MAP3K20: variants seen among roughly 807,000 people sequenced by gnomAD.
The protein encoded by MAP3K20 is HCCS-4.
In MAP3K20, 40 loss-of-function variants were observed where a neutral mutation model predicts 85.7. That is an observed-to-expected ratio of 0.47 (90% CI 0.36 to 0.61). The LOEUF (loss-of-function observed/expected upper bound fraction) is 0.61. Among genes scored for constraint, MAP3K20 ranks in the 20% least tolerant of loss-of-function variants. The probability of loss-of-function intolerance (pLI) is 0.00; values close to 1 mark genes in which losing one functional copy is unlikely to be tolerated. For missense variants in MAP3K20, 817 were observed against 961.7 expected, an observed-to-expected ratio of 0.85 and a Z score of 1.99; for synonymous variants, 325 against 327.7, an observed-to-expected ratio of 0.99 and a Z score of 0.09.
chr2:173,082,271 G>A (rs1288822237), intron 1 of MAP3K20, among the ~76,000 whole-genome samples: 1 of 152,144 alleles, frequency 6.6e-6, no homozygotes, highest in Non-Finnish European at 1.5e-5. Flanking sequence ...GCCTCCCAAA[G>A]AACCAGAAAT....
At chr2:173,075,836 G>C, upstream of MAP3K20, 2 of 985,362 alleles carry the variant, frequency 2.0e-6, no homozygotes, top group Non-Finnish European at 2.4e-6. Context: ...CTGTTGCCGT[G>C]ACTGTCTTCC....
At chr2:173,077,213 C>T (rs1258468710) in intron 1 of MAP3K20, among the ~76,000 whole-genome samples, 2 of 152,024 alleles carry the variant, frequency 1.3e-5, no homozygotes, top group African/African-American at 2.4e-5. Flanking sequence ...TTGGAAGAGC[C>T]TTCTTGCTTC....
At chr2:173,136,914 C>CTT (rs934346633) in intron 2 of MAP3K20, among the ~76,000 whole-genome samples, 1 of 152,232 alleles carries the variant, frequency 6.6e-6, no homozygotes, top group African/African-American at 2.4e-5. Context: ...TTGCCAGCTG[C>CTT]TTAGGTTAGG....
chr2:173,205,331 AC>A (rs1487955985), intron 9 of MAP3K20, among the ~76,000 whole-genome samples: 2 of 152,096 alleles, frequency 1.3e-5, no homozygotes, highest in African/African-American at 2.4e-5. Context: ...TTCCAATCTG[AC>A]CCCCAAGAAG....
At chr2:173,257,524 G>T (rs2106353096) in intron 16 of MAP3K20, among the ~76,000 whole-genome samples, 1 of 152,264 alleles carries the variant, frequency 6.6e-6, no homozygotes, top group East Asian at 1.9e-4. Flanking sequence ...TTGCTAAGTA[G>T]TATTCCATTC....
At chr2:173,113,174 G>A (rs192673881) in intron 2 of MAP3K20, among the ~76,000 whole-genome samples, 120 of 152,090 alleles carry the variant, frequency 7.9e-4, no homozygotes, top group Non-Finnish European at 1.2e-3. Context: ...TCTAGTTTAC[G>A]TGAGTAAAGG....
intron 2 of MAP3K20, among the ~76,000 whole-genome samples, chr2:173,126,265 T>C (rs1168246429): frequency 6.6e-6 from 1 of 152,238 alleles, no homozygotes; most frequent in Non-Finnish European, 1.5e-5. Flanking sequence ...GAGAAAAGAA[T>C]GTCTGACGTT....
chr2:173,095,482 T>C (rs371911022), intron 2 of MAP3K20, among the ~76,000 whole-genome samples: 3 of 152,254 alleles, frequency 2.0e-5, no homozygotes, highest in Admixed American at 6.5e-5. Flanking sequence ...AGCATTTTAT[T>C]TGAAATGTAA....
At chr2:173,162,559 G>A (rs893856179) in intron 2 of MAP3K20, among the ~76,000 whole-genome samples, 23 of 151,942 alleles carry the variant, frequency 1.5e-4, no homozygotes, top group Admixed American at 1.0e-3. Context: ...GGTGGTAGGC[G>A]CCTGTAATCC....
chr2:173,103,380 C>T (rs964993695), intron 2 of MAP3K20, among the ~76,000 whole-genome samples: 1 of 152,110 alleles, frequency 6.6e-6, no homozygotes, highest in African/African-American at 2.4e-5. Flanking sequence ...GATATACTGA[C>T]CTCAAGTGTT....
chr2:173,095,815 GA>G (rs1278821075), intron 2 of MAP3K20, among the ~76,000 whole-genome samples: 2 of 152,166 alleles, frequency 1.3e-5, no homozygotes, highest in Non-Finnish European at 2.9e-5. Flanking sequence ...GTGGTGAAAG[GA>G]AGTTACAAAA....
rs1414426821 is a variant in MAP3K20, at chr2:173,225,942, G to GCTA, written c.988-3745_988-3743dup. On this transcript the variant is annotated intron_variant, in intron 11 of 19. Coordinates refer to ENST00000375213, the MANE Select transcript of MAP3K20 (RefSeq NM_016653.3). ...AAAAGAAAAAAAACTCATTGAGATA[G>GCTA]CTACAGTTCTATAGGTTAATTTAAA... is the stretch of plus-strand genomic sequence containing the variant. The GCTA allele has an allele frequency of 3.0e-6, 3 of 984,238 alleles. No individual in the cohort carries two copies. In the Admixed American group the frequency reaches 1.9e-4, roughly 61 times the overall value. The allele number at this position is 984,238 out of a possible 1,614,324, so 61.0% of individuals were successfully genotyped here.
At chr2:173,202,992 G>A (rs1683532570) in intron 8 of MAP3K20, among the ~76,000 whole-genome samples, 1 of 152,184 alleles carries the variant, frequency 6.6e-6, no homozygotes, top group Admixed American at 6.5e-5. Flanking sequence ...TTGTTTGCTT[G>A]TTTTACTTAC....
chr2:173,113,978 C>T (rs538598108), intron 2 of MAP3K20, among the ~76,000 whole-genome samples: 12 of 152,078 alleles, frequency 7.9e-5, no homozygotes, highest in African/African-American at 1.4e-4. Flanking sequence ...CTAGTGCTGT[C>T]GGTGGAGTAT....
At chr2:173,216,020 ATCT>A (rs3835823) in intron 10 of MAP3K20, among the ~76,000 whole-genome samples, 2,565 of 152,184 alleles carry the variant, frequency 0.017, 41 homozygotes, top group Admixed American at 0.042. Flanking sequence ...CCCAGTTCCC[ATCT>A]TCTTCTGCAT....
rs71018535 is a variant in MAP3K20, at chr2:173,140,003, TTTTA to T, written c.160-29779_160-29776del. Among the ~76,000 whole-genome samples the T allele has an allele frequency of 4.0e-5, 6 of 150,758 alleles. 1 individual carries two copies. Among genetic ancestry groups the T allele is most frequent in the Middle Eastern group, 6.8e-3 (2 of 292 alleles). ...TCCTTCCCTGCAATCCTATACTTAA[TTTTA>T]TTTATTTATTTATTTATTTATTAGA... is the stretch of plus-strand genomic sequence containing the variant. On this transcript the variant is annotated intron_variant, in intron 2 of 19. Transcript: ENST00000375213.
chr2:173,226,197 G>A (rs1574136121), intron 11 of MAP3K20: 1 of 947,992 alleles, frequency 1.1e-6, no homozygotes, highest in Admixed American at 6.3e-5. Context: ...AGGGGTCGGG[G>A]GAGGGTTTAG....
chr2:173,152,812 T>G (rs1689346623), intron 2 of MAP3K20, among the ~76,000 whole-genome samples: 1 of 152,180 alleles, frequency 6.6e-6, no homozygotes, highest in Non-Finnish European at 1.5e-5. Context: ...TAGGCTATTT[T>G]GAAAAATAGT....
intron 7 of MAP3K20, among the ~76,000 whole-genome samples, chr2:173,194,561 A>G (rs1236818824): frequency 6.6e-6 from 1 of 152,154 alleles, no homozygotes; most frequent in African/African-American, 2.4e-5. Flanking sequence ...AACTTGGAAA[A>G]TGATACCTAT....
Sources: allele counts gnomAD v4.1 joint callset (sites outside exome capture counted in the v4.1 genomes callset), GRCh38; gene constraint gnomAD v4.1.1; transcripts MANE v1.5; gene names NCBI Gene and HGNC (gene_info 2026-07-23, HGNC 2026-07-21).